Variants in NOTCH2 observed in about 807,000 individuals in gnomAD.
NOTCH2 encodes notch receptor 2, also known as neurogenic locus notch homolog protein 2.
A neutral mutation model predicts 235.8 loss-of-function variants in NOTCH2; 29 were observed. The observed-to-expected ratio is 0.12, with a 90% CI of 0.09 to 0.17. NOTCH2 has a LOEUF of 0.17. Ranked by LOEUF, NOTCH2 falls within the 10% of genes least tolerant of loss-of-function variation. NOTCH2 has a pLI of 1.00. For synonymous variants in NOTCH2, 1,086 were observed against 1,141.5 expected (o/e 0.95, Z 0.98); for missense variants, 2,285 against 3,150.2 (o/e 0.73, Z 6.57).
At chr1:119,941,293 C>T (rs903567693) in intron 18 of NOTCH2, among the ~76,000 whole-genome samples, 1 of 152,048 alleles carries the variant, frequency 6.6e-6, no homozygotes, top group Non-Finnish European at 1.5e-5. Flanking sequence ...CTTTCTGTTC[C>T]CTAAGCAAGA....
chr1:119,971,347 G>T (rs1158378519), intron 5 of NOTCH2, among the ~76,000 whole-genome samples: 2 of 152,126 alleles, frequency 1.3e-5, no homozygotes, highest in Non-Finnish European at 2.9e-5. Context: ...ATTCTTGAAG[G>T]AGCAACCATG....
In NOTCH2 at chr1:120,042,219, G is replaced by A. The variant is rs587643606; in HGVS notation, c.74-12232C>T. Among the ~76,000 whole-genome samples the A allele has an allele frequency of 3.1e-4, 30 of 97,522 alleles. 1 individual carries two copies. Among genetic ancestry groups the A allele is most frequent in the African/African-American group, 1.7e-3 (29 of 17,122 alleles). 64.0% of individuals were successfully genotyped at this position (97,522 alleles called of 152,430 possible). A position where few individuals can be genotyped will look rare whatever the true frequency, so the allele number is the denominator to read the frequency against. On this transcript the variant is annotated intron_variant, in intron 1 of 33. Coordinates refer to ENST00000256646, the MANE Select transcript of NOTCH2 (RefSeq NM_024408.4). ...GCCAAGCTAAACTGTTAATGAGCAG[G>A]CCCAGTAGTTTTCTATCTTCCTCCG...
intron 24 of NOTCH2, among the ~76,000 whole-genome samples, chr1:119,926,191 C>T (rs1649466382): frequency 1.3e-5 from 2 of 152,204 alleles, no homozygotes; most frequent in African/African-American, 4.8e-5. Flanking sequence ...CACACATCAG[C>T]CCTATTTTCA....
chr1:119,996,953 T>C (rs782727876), intron 4 of NOTCH2, 44 bp downstream of exon 4: 1 of 1,596,488 alleles, frequency 6.3e-7, no homozygotes, highest in South Asian at 1.1e-5. Context: ...CCTCCTGTGC[T>C]AGGGGTTTGT....
chr1:119,969,393 T>C, intron 6 of NOTCH2, 118 bp downstream of exon 6: 1 of 862,700 alleles, frequency 1.2e-6, no homozygotes, highest in Non-Finnish European at 1.9e-6. Flanking sequence ...CAGTCCTGAG[T>C]GATATGTTCC....
intron 11 of NOTCH2, among the ~76,000 whole-genome samples, chr1:119,963,119 G>A (rs1651000262): frequency 6.6e-6 from 1 of 150,592 alleles, no homozygotes; most frequent in Admixed American, 6.7e-5. Flanking sequence ...ACAATAAAGA[G>A]ACTGAACTGT....
chr1:119,919,012 G>T (rs587636611), intron 31 of NOTCH2, among the ~76,000 whole-genome samples: 1 of 152,316 alleles, frequency 6.6e-6, no homozygotes, highest in South Asian at 2.1e-4. Context: ...CTCCGGACCA[G>T]CTATCACTCT....
intron 11 of NOTCH2, among the ~76,000 whole-genome samples, chr1:119,961,871 C>T (rs1201710965): frequency 2.0e-5 from 3 of 152,258 alleles, no homozygotes; most frequent in Middle Eastern, 3.4e-3. Context: ...CCAACTTAGG[C>T]CATATAAGTG....
chr1:119,986,682 C>G (rs1278478445), intron 5 of NOTCH2, among the ~76,000 whole-genome samples: 1 of 152,168 alleles, frequency 6.6e-6, no homozygotes, highest in Non-Finnish European at 1.5e-5. Flanking sequence ...AATAAGCTTA[C>G]AGTAGTGCTC....
intron 11 of NOTCH2, among the ~76,000 whole-genome samples, chr1:119,961,169 C>T (rs782128899): frequency 6.6e-6 from 1 of 152,140 alleles, no homozygotes; most frequent in African/African-American, 2.4e-5. Context: ...GGCTCTGAAC[C>T]CTGTTTGTGT....
chr1:120,069,544 G>A lies in NOTCH2; in HGVS notation c.-138C>T, dbSNP rs1440682782. The A allele has an allele frequency of 2.3e-5, 32 of 1,416,678 alleles. 1 individual carries two copies. The highest frequency in any genetic ancestry group is 3.0e-5 in the African/African-American group (2 of 65,798). 87.8% of individuals were successfully genotyped at this position (1,416,678 alleles called of 1,614,324 possible). ...GGCTCAGGCCCTGGCGCTACGCTCC[G>A]AAGCCCAGGCGCAAATGCCTCGACT... On this transcript the variant is annotated 5_prime_UTR_variant, in exon 1 of 34. Coordinates refer to ENST00000256646, the MANE Select transcript of NOTCH2 (RefSeq NM_024408.4).
Position 119,915,384 on chromosome 1 carries a change from C to A in NOTCH2, c.7338G>T (p.Gly2446=), listed in dbSNP as rs372087953. 5.9e-5 allele frequency: 96 copies of A among 1,614,162 alleles called. No homozygotes were observed. Among genetic ancestry groups the A allele is most frequent in the Non-Finnish European group, 7.4e-5 (87 of 1,180,028 alleles). ...GTCCCCGCTGACCTCCTCCAGCACC[C>A]CCAGGGGTAGGGCTGGTGGTCACAT... The part of the protein sequence containing the change: ...WSDVTTSPTP[G]GAGGGQRGPG... The change falls in exon 34 of 34, where the codon GGG becomes GGT. Residue 2446 remains glycine, a synonymous_variant. Coordinates refer to ENST00000256646, the MANE Select transcript of NOTCH2 (RefSeq NM_024408.4).
chr1:119,920,290 A>G lies in NOTCH2; in HGVS notation c.5418T>C (p.Ala1806=). Residue 1806 remains alanine (A), a synonymous_variant, in exon 30 of 34, where the codon GCT becomes GCC. Coordinates refer to ENST00000256646, the MANE Select transcript of NOTCH2 (RefSeq NM_024408.4). ...CCTGCTCTGCCTGAGGAGGGGTGAGAGCCAGCGATGGTGTCCTACGGATGT... is the reference window on the plus strand; with the variant it reads ...CCTGCTCTGCCTGAGGAGGGGTGAGGGCCAGCGATGGTGTCCTACGGATGT... ...AADIRRTPSL[A]LTPPQAEQEV... is the part of the protein sequence containing the mutation. 7 of 1,614,172 alleles carry G rather than the reference A, an allele frequency of 4.3e-6. No individual in the cohort carries two copies. Among genetic ancestry groups the G allele is most frequent in the Non-Finnish European group, 5.9e-6 (7 of 1,180,032 alleles).
intron 30 of NOTCH2, 60 bp from the exon 31 acceptor site, chr1:119,919,673 T>C: frequency 6.7e-7 from 1 of 1,502,012 alleles, no homozygotes; most frequent in Non-Finnish European, 9.2e-7. Flanking sequence ...AACCCTATGG[T>C]TGAAACAGCT....
intron 24 of NOTCH2, 120 bp downstream of exon 24, chr1:119,926,379 G>T: frequency 1.2e-6 from 1 of 830,176 alleles, no homozygotes. Context: ...CTCTGAAAGA[G>T]CTAAAATTGA....
At chr1:119,997,648 C>T (rs1158740205) in intron 3 of NOTCH2, among the ~76,000 whole-genome samples, 3 of 151,932 alleles carry the variant, frequency 2.0e-5, no homozygotes, top group African/African-American at 7.3e-5. Flanking sequence ...TCTCTCAGAG[C>T]TCACTGTCTT....
chr1:119,997,348 C>T lies in NOTCH2; in HGVS notation c.416-16G>A, dbSNP rs782645604. ...CACTCCTTACCTAAAGGAAGGATAACAAAACTCAGTACTGGCCACAGAAAT... is the reference window on the plus strand; with the variant it reads ...CACTCCTTACCTAAAGGAAGGATAATAAAACTCAGTACTGGCCACAGAAAT... On this transcript the variant is annotated splice_polypyrimidine_tract_variant and intron_variant, in intron 3 of 33. Coordinates refer to ENST00000256646, the MANE Select transcript of NOTCH2 (RefSeq NM_024408.4). The T allele has an allele frequency of 6.2e-7, 1 of 1,613,398 alleles. No homozygotes were observed. The highest frequency in any genetic ancestry group is 8.5e-7 in the Non-Finnish European group (1 of 1,179,448).
chr1:119,921,878 TC>T (rs1343787986), intron 28 of NOTCH2, 69 bp from the exon 29 acceptor site: 11 of 1,298,740 alleles, frequency 8.5e-6, no homozygotes, highest in African/African-American at 4.4e-5. Flanking sequence ...TTCAACACTT[TC>T]CACCATGACA....
At chr1:119,949,192 C>G (rs1229724126) in intron 15 of NOTCH2, 66 bp from the exon 16 acceptor site, 7 of 1,544,458 alleles carry the variant, frequency 4.5e-6, no homozygotes, top group Non-Finnish European at 6.3e-6. Context: ...TTCCTTATCC[C>G]AAGGATGTTC....
Sources: allele counts gnomAD v4.1 joint callset (sites outside exome capture counted in the v4.1 genomes callset), GRCh38; gene constraint gnomAD v4.1.1; transcripts MANE v1.5; gene names NCBI Gene and HGNC (gene_info 2026-07-23, HGNC 2026-07-21).